The following RNF216 variants were observed in gnomAD, a reference collection of about 807,000 sequenced individuals.
RNF216 encodes ring finger protein 216, also known as E3 ubiquitin-protein ligase RNF216.
A neutral mutation model predicts 110.8 loss-of-function variants in RNF216; 72 were observed. That is an observed-to-expected ratio of 0.65 (90% CI 0.54 to 0.79). The LOEUF is 0.79. Ranked by LOEUF, RNF216 falls within the 30% of genes least tolerant of loss-of-function variation. The probability of loss-of-function intolerance (pLI) is 0.00; values close to 1 mark genes in which losing one functional copy is unlikely to be tolerated. For synonymous variants in RNF216, 495 were observed against 407.5 expected, an observed-to-expected ratio of 1.21 and a Z score of -2.59; for missense variants, 1,342 against 1,141.2, an observed-to-expected ratio of 1.18 and a Z score of -2.54.
intron 13 of RNF216, among the ~76,000 whole-genome samples, chr7:5,653,569 C>A (rs1199667619): frequency 1.5e-5 from 2 of 133,836 alleles, no homozygotes; most frequent in Admixed American, 1.7e-4. Context: ...CCACTGCACT[C>A]CAGCCTGGGC....
chr7:5,744,722 C>T (rs956245551), intron 3 of RNF216, among the ~76,000 whole-genome samples: 1 of 152,164 alleles, frequency 6.6e-6, no homozygotes, highest in African/African-American at 2.4e-5. Context: ...CCTATAATCC[C>T]AGCACTTTGG....
At position 5,675,674 on chromosome 7, in the gene RNF216, G is replaced by A. The variant is rs534765861; in HGVS notation, c.2062-23164C>T. Among the ~76,000 whole-genome samples, 14 of 151,096 alleles carry A rather than the reference G, an allele frequency of 9.3e-5. No homozygotes were observed. The East Asian group carries it at 2.7e-3, about 29-fold the overall frequency. ...AACAAACAAACAAACGAACAAAGGA[G>A]CAAGGTCATGAAGCCTATAGCGCTA... On this transcript the variant is annotated intron_variant, in intron 13 of 16. Coordinates refer to ENST00000389902, the MANE Select transcript of RNF216 (RefSeq NM_207111.4).
At chr7:5,711,353 A>G (rs1486105804) in intron 13 of RNF216, among the ~76,000 whole-genome samples, 1 of 152,208 alleles carries the variant, frequency 6.6e-6, no homozygotes, top group Non-Finnish European at 1.5e-5. Context: ...CCTCAATCAA[A>G]GAAGCGTCGT....
intron 14 of RNF216, among the ~76,000 whole-genome samples, chr7:5,644,030 T>A (rs1402283895): frequency 1.3e-5 from 2 of 152,226 alleles, no homozygotes; most frequent in Admixed American, 1.3e-4. Flanking sequence ...ACTTCATTCC[T>A]TTTTATGGTT....
At chr7:5,686,590 T>C (rs897069422) in intron 13 of RNF216, among the ~76,000 whole-genome samples, 4 of 152,210 alleles carry the variant, frequency 2.6e-5, no homozygotes, top group African/African-American at 9.7e-5. Context: ...ATGTTCTAAA[T>C]TGTGAGGCTC....
intron 13 of RNF216, among the ~76,000 whole-genome samples, chr7:5,710,890 G>A (rs761833627): frequency 2.6e-5 from 4 of 152,200 alleles, no homozygotes; most frequent in Non-Finnish European, 5.9e-5. Flanking sequence ...AGATGCCAGC[G>A]ACTGTTGTGA....
At position 5,671,527 on chromosome 7, in the gene RNF216, G is replaced by A. The variant is rs538014003; in HGVS notation, c.2062-19017C>T. Among the ~76,000 whole-genome samples, 8 of 152,058 alleles carry A rather than the reference G, an allele frequency of 5.3e-5. No homozygotes were observed. The East Asian group carries it at 7.8e-4, about 15-fold the overall frequency. ...CCTTATAAGAAGGACAGAGAGAGCCGGGCACGGTGGCTCACGCCTGTAATC... is the reference window on the plus strand; with the variant it reads ...CCTTATAAGAAGGACAGAGAGAGCCAGGCACGGTGGCTCACGCCTGTAATC... On this transcript the variant is annotated intron_variant, in intron 13 of 16. Coordinates refer to ENST00000389902, the MANE Select transcript of RNF216 (RefSeq NM_207111.4).
intron 1 of RNF216, among the ~76,000 whole-genome samples, chr7:5,775,343 T>C (rs1273565066): frequency 6.6e-6 from 1 of 152,216 alleles, no homozygotes; most frequent in African/African-American, 2.4e-5. Context: ...ACCAGAATGC[T>C]TGAGGCTGTC....
chr7:5,637,963 A>G (rs1441383953), intron 15 of RNF216, among the ~76,000 whole-genome samples: 1 of 152,202 alleles, frequency 6.6e-6, no homozygotes, highest in Admixed American at 6.5e-5. Context: ...CTTGTGCCTC[A>G]GGCTCCCGAG....
chr7:5,703,466 A>C (rs1386924617), intron 13 of RNF216, among the ~76,000 whole-genome samples: 1 of 152,262 alleles, frequency 6.6e-6, no homozygotes, highest in Non-Finnish European at 1.5e-5. Context: ...CCATGCAGCT[A>C]CTGTAGGAGG....
At chr7:5,716,813 TG>T (rs753768250) in intron 9 of RNF216, 47 bp from the exon 10 acceptor site, 6 of 1,405,504 alleles carry the variant, frequency 4.3e-6, no homozygotes, top group Middle Eastern at 2.2e-4. Flanking sequence ...TTAGTAAAAA[TG>T]ACACTAACCA....
At position 5,652,460 on chromosome 7, in the gene RNF216, G is replaced by A; in HGVS notation, c.2112C>T (p.Thr704=). 1 of 1,613,964 alleles carries A rather than the reference G, an allele frequency of 6.2e-7. No homozygotes were observed. The highest frequency in any genetic ancestry group is 8.5e-7 in the Non-Finnish European group (1 of 1,179,890). ...QGLWKEHNGL[T]CEELAEKDDI... ...CGTCTTTTTCAGCCAGCTCTTCACA[G>A]GTGAGGCCATTATGTTCTTTCCAGA... is the stretch of plus-strand genomic sequence containing the variant. Residue 704 remains threonine, a synonymous_variant, in exon 14 of 17, where the codon ACC becomes ACT. Transcript: ENST00000389902.
chr7:5,643,105 C>A (rs905119339), intron 14 of RNF216, among the ~76,000 whole-genome samples: 3 of 152,106 alleles, frequency 2.0e-5, no homozygotes, highest in African/African-American at 7.2e-5. Context: ...CTAAAATGGA[C>A]AGAGGAATAC....
At chr7:5,738,933 G>A (rs1019364395) in intron 5 of RNF216, among the ~76,000 whole-genome samples, 1 of 151,996 alleles carries the variant, frequency 6.6e-6, no homozygotes, top group Non-Finnish European at 1.5e-5. Flanking sequence ...GAACGAACAA[G>A]GTCATTAAAA....
intron 15 of RNF216, among the ~76,000 whole-genome samples, chr7:5,631,550 C>T (rs1055901248): frequency 4.6e-5 from 7 of 152,162 alleles, no homozygotes; most frequent in Non-Finnish European, 4.4e-5. Flanking sequence ...ATTTCCTTGC[C>T]TGACATGTTT....
rs778420419 is a variant in RNF216, at chr7:5,637,404, G to A, written c.2382+3750C>T. On this transcript the variant is annotated intron_variant, in intron 15 of 16. Transcript: ENST00000389902. ...CTGGGTCATAAGCTTTGTAATCTGA[G>A]TGATTTTTAGGGGTCTCTTATCCCA... 2.9e-4 allele frequency among the ~76,000 whole-genome samples: 44 copies of A among 152,210 alleles called. 1 individual carries two copies. The highest frequency in any genetic ancestry group is 2.1e-4 in the South Asian group (1 of 4,832).
Position 5,645,708 on chromosome 7 carries a change from A to G in RNF216, c.2160-4332T>C, listed in dbSNP as rs6974691. Among the ~76,000 whole-genome samples the G allele has an allele frequency of 9.0e-3, 1,369 of 151,944 alleles. 22 individuals are homozygous for G. Among genetic ancestry groups the G allele is most frequent in the African/African-American group, 0.031 (1,305 of 41,430 alleles). On this transcript the variant is annotated intron_variant, in intron 14 of 16. Coordinates refer to ENST00000389902, the MANE Select transcript of RNF216 (RefSeq NM_207111.4). ...CGGGTTCAAATGATTCTCCTGCTTC[A>G]GCCTTCCAAGTAGCTGGGACTACAG...
rs751177969 is a variant in RNF216 at position 5,711,793 on chromosome 7, T to G, written c.2029A>C (p.Arg677=). 4.3e-6 allele frequency: 7 copies of G among 1,613,890 alleles called. No individual in the cohort carries two copies. The South Asian group carries it at 7.7e-5, about 18-fold the overall frequency. ...FPALLDSDVK[R]FSCPNPHCRK... ...CAGTGAGGATTAGGACAGCTGAACCTCTTCACATCACTGTCCAACAGAGCC... is the reference window on the plus strand; with the variant it reads ...CAGTGAGGATTAGGACAGCTGAACCGCTTCACATCACTGTCCAACAGAGCC... Residue 677 remains arginine (R), a synonymous_variant, in exon 13 of 17, where the codon AGG becomes CGG. Coordinates refer to ENST00000389902, the MANE Select transcript of RNF216 (RefSeq NM_207111.4).
chr7:5,754,308 A>G (rs1795499819), intron 2 of RNF216, among the ~76,000 whole-genome samples: 1 of 151,914 alleles, frequency 6.6e-6, no homozygotes, highest in East Asian at 1.9e-4. Flanking sequence ...GGTGCACACT[A>G]CTTTGAACAG....
Sources: allele counts gnomAD v4.1 joint callset (sites outside exome capture counted in the v4.1 genomes callset), GRCh38; gene constraint gnomAD v4.1.1; transcripts MANE v1.5; gene names NCBI Gene and HGNC (gene_info 2026-07-23, HGNC 2026-07-21).